Variants in CMSS1 observed in about 807,000 individuals in gnomAD.
The protein encoded by CMSS1 is cms1 ribosomal small subunit homolog, also known as protein CMSS1.
A neutral mutation model predicts 43.5 loss-of-function variants in CMSS1; 33 were observed. That is an observed-to-expected ratio of 0.76 (90% CI 0.57 to 1.01). The LOEUF (loss-of-function observed/expected upper bound fraction) is 1.01, where lower values mean the gene tolerates loss of function less well. CMSS1 is among the 50% of genes least tolerant of loss of function. The pLI is 0.00. For synonymous variants in CMSS1, 115 were observed against 117.2 expected (o/e 0.98, Z 0.12); for missense variants, 313 against 326.4 (o/e 0.96, Z 0.32).
chr3:99,997,747 A>G (rs1284668066), intron 1 of CMSS1, among the ~76,000 whole-genome samples: 3 of 152,262 alleles, frequency 2.0e-5, no homozygotes, highest in Non-Finnish European at 4.4e-5. Flanking sequence ...ATGAAAATAA[A>G]GAATATTTAT....
chr3:99,848,914 C>T, intron 1 of CMSS1: 1 of 1,614,064 alleles, frequency 6.2e-7, no homozygotes, highest in African/African-American at 1.3e-5. Flanking sequence ...TGTGGTTGGA[C>T]TTGTGATTTC....
chr3:99,925,764 A>G (rs1707273480), intron 1 of CMSS1: 6 of 683,488 alleles, frequency 8.8e-6, no homozygotes, highest in Non-Finnish European at 1.1e-5. Context: ...GTGGAAGTGG[A>G]GGTGACCTCA....
intron 1 of CMSS1, chr3:99,898,029 G>A (rs1465176540): frequency 6.6e-6 from 1 of 150,970 alleles, no homozygotes; most frequent in Non-Finnish European, 1.5e-5. Context: ...TCTCACATTG[G>A]TTTTTTTTTC....
chr3:99,954,091 C>T (rs1309070220), intron 1 of CMSS1, among the ~76,000 whole-genome samples: 1 of 152,240 alleles, frequency 6.6e-6, no homozygotes, highest in Non-Finnish European at 1.5e-5. Flanking sequence ...CAGCCTTAGG[C>T]TAAGCAAGCT....
chr3:99,930,415 C>T (rs534865679), intron 1 of CMSS1, among the ~76,000 whole-genome samples: 1 of 152,222 alleles, frequency 6.6e-6, no homozygotes, highest in East Asian at 1.9e-4. Flanking sequence ...AGTCTAGGAG[C>T]CAGTTCACTT....
intron 1 of CMSS1, among the ~76,000 whole-genome samples, chr3:99,960,617 G>A (rs4244712): frequency 0.31 from 47,248 of 152,034 alleles, 9,185 homozygotes; most frequent in East Asian, 0.49. Context: ...CTTTTTACCT[G>A]CTTCCTAATC....
At chr3:99,890,893 C>G (rs937554406) in intron 1 of CMSS1, among the ~76,000 whole-genome samples, 1 of 152,008 alleles carries the variant, frequency 6.6e-6, no homozygotes, top group Non-Finnish European at 1.5e-5. Context: ...TCACGTATCT[C>G]AGAATTTTAT....
intron 1 of CMSS1, among the ~76,000 whole-genome samples, chr3:99,930,287 A>G (rs1282261357): frequency 1.3e-5 from 2 of 152,226 alleles, no homozygotes; most frequent in Non-Finnish European, 2.9e-5. Flanking sequence ...TGACAAGCAG[A>G]TATCATGATA....
At chr3:99,871,737 T>A (rs1304313058) in intron 1 of CMSS1, among the ~76,000 whole-genome samples, 1 of 152,202 alleles carries the variant, frequency 6.6e-6, no homozygotes, top group African/African-American at 2.4e-5. Flanking sequence ...TTTGTCAAGT[T>A]AGTGGTTCAG....
At chr3:100,009,838 C>T (rs1224979060) in intron 1 of CMSS1, among the ~76,000 whole-genome samples, 1 of 152,182 alleles carries the variant, frequency 6.6e-6, no homozygotes, top group African/African-American at 2.4e-5. Flanking sequence ...TATATGTATA[C>T]GTGTCCACGT....
chr3:99,882,089 T>C (rs1328059400), intron 1 of CMSS1, among the ~76,000 whole-genome samples: 3 of 152,194 alleles, frequency 2.0e-5, no homozygotes, highest in Non-Finnish European at 4.4e-5. Context: ...ATAGAGCAAT[T>C]CCTGAGCATA....
At chr3:99,993,713 T>C (rs1709590965) in intron 1 of CMSS1, among the ~76,000 whole-genome samples, 1 of 152,224 alleles carries the variant, frequency 6.6e-6, no homozygotes, top group Non-Finnish European at 1.5e-5. Flanking sequence ...TCAAATGCTT[T>C]TTCTGTGTAT....
intron 1 of CMSS1, chr3:99,930,041 A>T (rs374893065): frequency 1.9e-4 from 308 of 1,589,264 alleles, no homozygotes; most frequent in Non-Finnish European, 2.5e-4. Flanking sequence ...TGTAGGAACA[A>T]AAAGTATTTC....
rs182018561 is a variant in CMSS1 at position 100,003,230 on chromosome 3, C to T, written c.65-143743C>T. ...CATAAGTGGACTTCATACCAATGAC[C>T]ATGTGGAGAAAATAAAAGAATGTTA... On this transcript the variant is annotated intron_variant, in intron 1 of 9. Transcript: ENST00000421999. Among the ~76,000 whole-genome samples, 9 of 152,226 alleles carry T rather than the reference C, an allele frequency of 5.9e-5. No homozygotes were observed. The East Asian group carries it at 1.7e-3, about 29-fold the overall frequency.
At chr3:99,866,353 C>T (rs932167440) in intron 1 of CMSS1, among the ~76,000 whole-genome samples, 1 of 152,114 alleles carries the variant, frequency 6.6e-6, no homozygotes, top group African/African-American at 2.4e-5. Context: ...AAGTGGTATG[C>T]TTGGGAAACC....
At chr3:99,868,007 G>A (rs981475822) in intron 1 of CMSS1, among the ~76,000 whole-genome samples, 9 of 152,154 alleles carry the variant, frequency 5.9e-5, no homozygotes, top group Non-Finnish European at 1.2e-4. Flanking sequence ...ACTCTTTATT[G>A]TTTGTGGCTA....
intron 1 of CMSS1, among the ~76,000 whole-genome samples, chr3:99,854,566 T>C (rs1448524175): frequency 6.6e-6 from 1 of 152,212 alleles, no homozygotes; most frequent in Non-Finnish European, 1.5e-5. Context: ...TCAGCACTGT[T>C]GATATTTGGG....
In CMSS1 at chr3:100,045,853, C is replaced by A. The variant is rs540436491; in HGVS notation, c.65-101120C>A. On this transcript the variant is annotated intron_variant, in intron 1 of 9. Transcript: ENST00000421999. ...TGGCATTCCTAATGATGATAATGAT[C>A]CCACTTGGTGGAGTCTGACCCTCCC... 2.6e-5 allele frequency among the ~76,000 whole-genome samples: 4 copies of A among 152,256 alleles called. No homozygotes were observed. In the East Asian group the frequency reaches 5.8e-4, roughly 22 times the overall value.
chr3:99,983,310 G>T (rs1292490790), intron 1 of CMSS1, among the ~76,000 whole-genome samples: 1 of 148,932 alleles, frequency 6.7e-6, no homozygotes, highest in Non-Finnish European at 1.5e-5. Flanking sequence ...AAGGCAGGCG[G>T]ATCACCTGAG....
Sources: gnomAD v4.1 joint callset for allele counts (sites outside exome capture counted in the v4.1 genomes callset) on GRCh38, gnomAD v4.1.1 for gene constraint, MANE v1.5 for transcripts, NCBI Gene and HGNC (gene_info 2026-07-23, HGNC 2026-07-21) for gene names.